The following PPP2R2B variants were observed in gnomAD, a reference collection of about 807,000 sequenced individuals.
The protein encoded by PPP2R2B is serine/threonine-protein phosphatase 2A 55 kDa regulatory subunit B beta isoform.
A neutral mutation model predicts 46.0 loss-of-function variants in PPP2R2B; 5 were observed. That is an observed-to-expected ratio of 0.11 (90% confidence interval 0.06 to 0.23). PPP2R2B has a LOEUF of 0.23. Ranked by LOEUF, PPP2R2B falls within the 10% of genes least tolerant of loss-of-function variation. The pLI is 1.00. For missense variants in PPP2R2B, 367 were observed against 575.0 expected, an observed-to-expected ratio of 0.64 and a Z score of 3.70; for synonymous variants, 215 against 206.7, an observed-to-expected ratio of 1.04 and a Z score of -0.34.
At chr5:147,077,156 A>G (rs1289674728) in intron 2 of PPP2R2B, among the ~76,000 whole-genome samples, 3 of 147,602 alleles carry the variant, frequency 2.0e-5, no homozygotes, top group African/African-American at 7.4e-5. Context: ...AATATTGTAT[A>G]TTGTATATTA....
At chr5:146,900,553 T>TCC (rs1329823313) in intron 1 of PPP2R2B, among the ~76,000 whole-genome samples, 2,206 of 104,010 alleles carry the variant, frequency 0.021, 127 homozygotes, top group African/African-American at 0.058. Context: ...TTTCCTTCCT[T>TCC]TCTTCCTTCC....
chr5:146,732,242 T>A (rs558700396), intron 2 of PPP2R2B, among the ~76,000 whole-genome samples: 2 of 152,370 alleles, frequency 1.3e-5, no homozygotes, highest in South Asian at 4.1e-4. Flanking sequence ...TAACTTCTTT[T>A]GACCACAAGA....
chr5:146,959,590 G>T (rs191727328), intron 1 of PPP2R2B, among the ~76,000 whole-genome samples: 65 of 152,244 alleles, frequency 4.3e-4, no homozygotes, highest in Non-Finnish European at 8.8e-4. Context: ...GGCAGGGTTG[G>T]GGGGCAGGAG....
At chr5:147,010,465 T>G (rs1171392771) in intron 1 of PPP2R2B, among the ~76,000 whole-genome samples, 1 of 152,186 alleles carries the variant, frequency 6.6e-6, no homozygotes. Flanking sequence ...TTCAACTAGA[T>G]GGTCCCATGT....
chr5:146,590,030 G>C lies in PPP2R2B; in HGVS notation c.1249C>G (p.His417Asp). 6.2e-7 allele frequency: 1 copy of C among 1,614,176 alleles called. No homozygotes were observed. The highest frequency in any genetic ancestry group is 8.5e-7 in the Non-Finnish European group (1 of 1,180,014). Residue 417 changes from histidine (H) to aspartate (D), a missense_variant, in exon 10 of 10, where the codon CAT becomes GAT. His to Asp is a moderately conservative substitution (Grantham distance 81). Around this residue, in one of 2 missense-constraint regions of PPP2R2B, gnomAD observed 361 missense variants for 545.5 expected, o/e 0.66. Transcript: ENST00000394411. The part of the protein sequence containing the change: ...DSLDFSKKIL[H>D]TAWHPSENII... ...TTTTCTGAAGGATGCCAAGCTGTAT[G>C]CAAGATCTTTTTGCTAAAGTCCAGA...
intron 5 of PPP2R2B, among the ~76,000 whole-genome samples, chr5:146,681,177 A>G (rs1488319860): frequency 1.3e-5 from 2 of 152,218 alleles, no homozygotes; most frequent in Non-Finnish European, 2.9e-5. Context: ...AAAAATCCTA[A>G]TGCATAATGA....
At chr5:146,607,127 C>A (rs1485501892) in intron 7 of PPP2R2B, 1 of 152,046 alleles carries the variant, frequency 6.6e-6, no homozygotes, top group Non-Finnish European at 1.5e-5. Context: ...AAAGCCTCGC[C>A]GATTGAGATG....
chr5:146,707,673 G>A (rs1779947351), intron 2 of PPP2R2B: 1 of 555,804 alleles, frequency 1.8e-6, no homozygotes, highest in African/African-American at 1.9e-5. Context: ...CTGCTTCTTG[G>A]TAGAATATAT....
chr5:147,011,803 G>C (rs1753546133), intron 1 of PPP2R2B, among the ~76,000 whole-genome samples: 1 of 141,116 alleles, frequency 7.1e-6, no homozygotes, highest in Non-Finnish European at 1.5e-5. Flanking sequence ...GTTGAATTTT[G>C]TCAAAGGCCT....
At chr5:146,861,048 T>A (rs1370378098) in intron 2 of PPP2R2B, among the ~76,000 whole-genome samples, 1 of 86,642 alleles carries the variant, frequency 1.2e-5, no homozygotes, top group Non-Finnish European at 2.1e-5. Flanking sequence ...TCAAACTGAA[T>A]TTTTTCTTTT....
intron 6 of PPP2R2B, among the ~76,000 whole-genome samples, chr5:146,639,543 A>C (rs1775055089): frequency 6.6e-6 from 1 of 152,172 alleles, no homozygotes; most frequent in Non-Finnish European, 1.5e-5. Context: ...GGATCAGGAC[A>C]CAGAGGGGCC....
intron 7 of PPP2R2B, among the ~76,000 whole-genome samples, chr5:146,633,531 A>C (rs1426091529): frequency 6.6e-6 from 1 of 152,236 alleles, no homozygotes; most frequent in Non-Finnish European, 1.5e-5. Context: ...TGTGCACTGA[A>C]GAAGGTTGGT....
At chr5:146,868,732 T>G (rs554924853) in intron 2 of PPP2R2B, among the ~76,000 whole-genome samples, 1 of 152,348 alleles carries the variant, frequency 6.6e-6, no homozygotes, top group South Asian at 2.1e-4. Flanking sequence ...ATTGATTGAT[T>G]CAGAAGAATA....
chr5:146,836,142 A>G (rs1759269350), intron 2 of PPP2R2B, among the ~76,000 whole-genome samples: 1 of 152,210 alleles, frequency 6.6e-6, no homozygotes, highest in African/African-American at 2.4e-5. Flanking sequence ...TAAGGTCTTC[A>G]GAGTAATTCT....
intron 2 of PPP2R2B, among the ~76,000 whole-genome samples, chr5:146,761,582 C>A (rs1314891201): frequency 6.6e-6 from 1 of 151,054 alleles, no homozygotes; most frequent in Non-Finnish European, 1.5e-5. Context: ...CAAACCTGCA[C>A]GTTGTGCACA....
At chr5:146,699,692 A>C (rs1430712277) in intron 3 of PPP2R2B, among the ~76,000 whole-genome samples, 1 of 148,090 alleles carries the variant, frequency 6.8e-6, no homozygotes, top group African/African-American at 2.5e-5. Context: ...TTTAAGAAAA[A>C]GCTGGAAAAG....
chr5:146,821,172 A>G (rs1331335685), intron 2 of PPP2R2B, among the ~76,000 whole-genome samples: 1 of 152,142 alleles, frequency 6.6e-6, no homozygotes, highest in African/African-American at 2.4e-5. Context: ...ACACCTATAT[A>G]TATATCCACA....
rs770652010 is a variant in PPP2R2B at position 147,027,291 on chromosome 5, T to TC, written c.79+28373_79+28374insG. On this transcript the variant is annotated intron_variant, in intron 1 of 8. Coordinates refer to the PPP2R2B transcript ENST00000336640. The stretch of plus-strand genomic sequence containing the variant: ...TGCAAATGTACTAAATACCACTGCA[T>TC]TGTTCATCTGAAAATGGTTAATTTT... 0.011 allele frequency among the ~76,000 whole-genome samples: 1,687 copies of TC among 152,264 alleles called. 87 individuals are homozygous for TC. The East Asian group carries it at 0.17, about 16-fold the overall frequency.
intron 7 of PPP2R2B, among the ~76,000 whole-genome samples, chr5:146,631,963 C>T (rs756311565): frequency 2.0e-5 from 3 of 151,790 alleles, no homozygotes; most frequent in East Asian, 3.9e-4. Flanking sequence ...AGGCTTCTGG[C>T]GGCAATGAGG....
Sources: allele counts gnomAD v4.1 joint callset (sites outside exome capture counted in the v4.1 genomes callset), GRCh38; gene constraint gnomAD v4.1.1; regional missense constraint gnomAD v4.1.1; transcripts MANE v1.5; gene names NCBI Gene and HGNC (gene_info 2026-07-23, HGNC 2026-07-21).